Variants in RPS7 observed in about 807,000 individuals in gnomAD.
RPS7 encodes the protein small ribosomal subunit protein eS7.
In RPS7, 1 loss-of-function variant was observed where a neutral mutation model predicts 22.1. The ratio of observed to expected loss-of-function variants is 0.05; its 90% CI spans 0.02 to 0.21. The LOEUF is 0.21. RPS7 is among the 10% of genes least tolerant of loss of function. RPS7 has a pLI of 1.00. For synonymous variants in RPS7, 80 were observed against 92.0 expected (o/e 0.87, Z 0.74); for missense variants, 137 against 246.4 (o/e 0.56, Z 2.97).
chr2:3,577,644 A>G (rs1249242799), intron 4 of RPS7, 66 bp from the exon 5 acceptor site: 5 of 1,135,928 alleles, frequency 4.4e-6, no homozygotes, highest in Non-Finnish European at 6.7e-6. Flanking sequence ...GCAGTATGGC[A>G]GTTACAGCTT....
At chr2:3,576,686 T>G (rs1661287183) in intron 4 of RPS7, 56 bp downstream of exon 4, 2 of 1,586,208 alleles carry the variant, frequency 1.3e-6, no homozygotes, top group Non-Finnish European at 1.7e-6. Flanking sequence ...TAAAATTGCT[T>G]GTATTTAGAC....
rs1474276329 is a variant in RPS7, at chr2:3,580,214, T to A, written c.461T>A (p.Ile154Lys). Residue 154 changes from isoleucine to lysine, a missense_variant, in exon 6 of 7, where the codon ATA becomes AAA. Transcript: ENST00000645674. ...GTCAAACTAGATGGCAGCCGGCTCA[T>A]AAAGGTTCATTTGGACAAAGCACAG... ...IRVKLDGSRLIKVHLDKAQQN... is the reference protein window; with the variant it reads ...IRVKLDGSRLKKVHLDKAQQN... The A allele has an allele frequency of 1.2e-6, 2 of 1,613,606 alleles. No individual in the cohort carries two copies. Among genetic ancestry groups the A allele is most frequent in the Non-Finnish European group, 1.7e-6 (2 of 1,179,840 alleles).
rs1393036673 is a variant in RPS7, at chr2:3,575,510, C to T, written c.-18-82C>T. ...GATGGCTTCTGCGGGGCGAGCGGGG[C>T]CTGGCCGGGGGGTGCGGGCGGGAGG... is the stretch of plus-strand genomic sequence containing the variant. On this transcript the variant is annotated intron_variant, in intron 1 of 6. Transcript: ENST00000645674. 5 of 911,926 alleles carry T rather than the reference C, an allele frequency of 5.5e-6. No individual in the cohort carries two copies. The East Asian group carries it at 1.0e-4, about 19-fold the overall frequency. 56.5% of individuals were successfully genotyped at this position (911,926 alleles called of 1,614,324 possible).
At position 3,575,338 on chromosome 2, in the gene RPS7, G is replaced by T; in HGVS notation, c.-31G>T. The T allele has an allele frequency of 3.8e-6, 2 of 525,718 alleles. No homozygotes were observed. Among genetic ancestry groups the T allele is most frequent in the East Asian group, 3.4e-5 (1 of 29,764 alleles). The allele number at this position is 525,718 out of a possible 1,614,324, so 32.6% of individuals were successfully genotyped here. On this transcript the variant is annotated 5_prime_UTR_variant, in exon 1 of 7. Coordinates refer to ENST00000645674, the MANE Select transcript of RPS7 (RefSeq NM_001011.4). ...CGAGATTTGGGTCTCTTCCTAAGCC[G>T]GCGCTCGGCAAGGTAGGTTGGCGGC...
chr2:3,577,413 T>C, intron 4 of RPS7: 2 of 391,296 alleles, frequency 5.1e-6, no homozygotes, highest in Non-Finnish European at 9.4e-6. Context: ...AGTGCCAGGA[T>C]TGATCTGGAA....
chr2:3,575,558 C>T (rs1558471833), intron 1 of RPS7, 34 bp from the exon 2 acceptor site: 1 of 1,513,792 alleles, frequency 6.6e-7, no homozygotes. Context: ...CGCCTGCAGC[C>T]CGGGCCGCGT....
intron 2 of RPS7, 58 bp from the exon 3 acceptor site, chr2:3,575,759 G>C: frequency 6.3e-7 from 1 of 1,594,268 alleles, no homozygotes; most frequent in Non-Finnish European, 8.6e-7. Flanking sequence ...CGCGTGTGTT[G>C]GGCCCGGGGT....
At chr2:3,575,522 GTGCGGGC>G in intron 1 of RPS7, 63 bp from the exon 2 acceptor site, 1 of 1,075,054 alleles carries the variant, frequency 9.3e-7, no homozygotes, top group Admixed American at 1.8e-5. Flanking sequence ...TGGCCGGGGG[GTGCGGGC>G]GGGAGGGCGA....
At chr2:3,580,036 T>TA in intron 5 of RPS7, 74 bp from the exon 6 acceptor site, 3 of 1,384,208 alleles carry the variant, frequency 2.2e-6, no homozygotes, top group Non-Finnish European at 3.1e-6. Flanking sequence ...CATTTTGACT[T>TA]AAAGAGGTGC....
chr2:3,577,003 C>G (rs1388234583), intron 4 of RPS7: 2 of 321,110 alleles, frequency 6.2e-6, no homozygotes, highest in African/African-American at 4.3e-5. Flanking sequence ...TAAATTTCCA[C>G]AAGTCTAGTG....
In RPS7 at chr2:3,575,348, A is replaced by G. The variant is rs1661250503; in HGVS notation, c.-21A>G. On this transcript the variant is annotated splice_region_variant and 5_prime_UTR_variant, in exon 1 of 7. Transcript: ENST00000645674. ...GTCTCTTCCTAAGCCGGCGCTCGGCAAGGTAGGTTGGCGGCCTGCTCTCCG... is the reference window on the plus strand; with the variant it reads ...GTCTCTTCCTAAGCCGGCGCTCGGCGAGGTAGGTTGGCGGCCTGCTCTCCG... 2 of 534,910 alleles carry G rather than the reference A, an allele frequency of 3.7e-6. No homozygotes were observed. The highest frequency in any genetic ancestry group is 2.2e-5 in the South Asian group (1 of 45,916). 33.1% of individuals were successfully genotyped at this position (534,910 alleles called of 1,614,324 possible).
intron 2 of RPS7, 49 bp from the exon 3 acceptor site, chr2:3,575,768 G>A (rs746631359): frequency 5.0e-6 from 8 of 1,596,850 alleles, no homozygotes; most frequent in Non-Finnish European, 6.9e-6. Context: ...TGGGCCCGGG[G>A]TGCTCGGACG....
rs893489743 is a variant in RPS7, at chr2:3,575,589, C to A, written c.-18-3C>A. The A allele has an allele frequency of 6.2e-7, 1 of 1,605,040 alleles. No individual in the cohort carries two copies. The highest frequency in any genetic ancestry group is 8.5e-7 in the Non-Finnish European group (1 of 1,174,268). On this transcript the variant is annotated splice_polypyrimidine_tract_variant and splice_region_variant and intron_variant, in intron 1 of 6. Transcript: ENST00000645674. ...CGCGTAACGCTGACCGCTGTGCCTT[C>A]AGTTCTCCCAGGAGAAAGCCATGTT...
At chr2:3,580,298 A>T (rs1205968579) in intron 6 of RPS7, 38 bp downstream of exon 6, 17 of 1,598,580 alleles carry the variant, frequency 1.1e-5, no homozygotes, top group Non-Finnish European at 1.1e-5. Flanking sequence ...AGGTTCAGCC[A>T]CAGTGAGAGT....
At chr2:3,577,688 C>A in intron 4 of RPS7, 22 bp from the exon 5 acceptor site, 2 of 1,574,696 alleles carry the variant, frequency 1.3e-6, no homozygotes, top group Non-Finnish European at 1.7e-6. Flanking sequence ...CATTTTGTTA[C>A]ATGATAATTT....
intron 3 of RPS7, 45 bp downstream of exon 3, chr2:3,575,933 TC>T (rs1196934738): frequency 2.1e-6 from 3 of 1,424,676 alleles, no homozygotes; most frequent in Non-Finnish European, 9.8e-7. Context: ...GCGGCGCGTC[TC>T]CCCGCGCAGT....
rs138000484 is a variant in RPS7, at chr2:3,575,979, A to G, written c.147+91A>G. ...GGTTGGACCTGGGTTACGGTTGATGATGACTTGCCGCCTGGCCGCCTAACC... is the reference window on the plus strand; with the variant it reads ...GGTTGGACCTGGGTTACGGTTGATGGTGACTTGCCGCCTGGCCGCCTAACC... On this transcript the variant is annotated intron_variant, in intron 3 of 6. Transcript: ENST00000645674. 3.9e-4 allele frequency: 369 copies of G among 941,388 alleles called. 5 individuals carry two copies. In the Middle Eastern group the frequency reaches 0.01, roughly 27 times the overall value. The allele number at this position is 941,388 out of a possible 1,614,324, so 58.3% of individuals were successfully genotyped here. A position where few individuals can be genotyped will look rare whatever the true frequency, so the allele number is the denominator to read the frequency against.
At chr2:3,578,850 T>G (rs62106039) in intron 5 of RPS7, 8,349 of 152,304 alleles carry the variant, frequency 0.055, 292 homozygotes, top group South Asian at 0.099. Flanking sequence ...AACCTCTGTT[T>G]TCCAAATTTT....
In RPS7 at chr2:3,577,863, T is replaced by C. The variant is rs140005491; in HGVS notation, c.356+89T>C. ...AAGTTGTAGTTTATGAAAACAGATG[T>C]TCAAGTGGGAATTTTTGAGTAGCAG... On this transcript the variant is annotated intron_variant, in intron 5 of 6. Coordinates refer to ENST00000645674, the MANE Select transcript of RPS7 (RefSeq NM_001011.4). 1.7e-3 allele frequency: 1,560 copies of C among 918,648 alleles called. 19 individuals carry two copies. In the African/African-American group the frequency reaches 0.023, roughly 13 times the overall value. The allele number at this position is 918,648 out of a possible 1,614,324, so 56.9% of individuals were successfully genotyped here. A position where few individuals can be genotyped will look rare whatever the true frequency, so the allele number is the denominator to read the frequency against.
Sources: gnomAD v4.1 joint callset for allele counts on GRCh38, gnomAD v4.1.1 for gene constraint, MANE v1.5 for transcripts, NCBI Gene and HGNC (gene_info 2026-07-23, HGNC 2026-07-21) for gene names.